SLC35F4: variants seen among roughly 807,000 people sequenced by gnomAD.
The protein encoded by SLC35F4 is solute carrier family 35 member F4.
A neutral mutation model predicts 44.2 loss-of-function variants in SLC35F4; 24 were observed. The observed-to-expected ratio is 0.54, with a 90% CI of 0.39 to 0.76. The LOEUF (loss-of-function observed/expected upper bound fraction) is 0.76, where lower values mean the gene tolerates loss of function less well. SLC35F4 is among the 30% of genes least tolerant of loss of function. The pLI, the probability that SLC35F4 is intolerant of heterozygous loss-of-function variation, is 0.00. For synonymous variants in SLC35F4, 238 were observed against 223.6 expected, an observed-to-expected ratio of 1.06 and a Z score of -0.57; for missense variants, 562 against 586.1, an observed-to-expected ratio of 0.96 and a Z score of 0.42.
At position 57,877,446 on chromosome 14, in the gene SLC35F4, T is replaced by C. The variant is rs569819966; in HGVS notation, n.282+104467A>G. On this transcript the variant is annotated intron_variant and non_coding_transcript_variant, in intron 1 of 1. Coordinates refer to the SLC35F4 transcript ENST00000556568. Reference sequence around the variant, plus strand: ...TATTCCATGTCTGCTATTGTGAATATTGTTGCAATGAACATACACAAGCAT... The same window carrying C: ...TATTCCATGTCTGCTATTGTGAATACTGTTGCAATGAACATACACAAGCAT... Among the ~76,000 whole-genome samples the C allele has an allele frequency of 3.3e-5, 5 of 152,302 alleles. No individual in the cohort carries two copies. In the East Asian group the frequency reaches 7.7e-4, roughly 24 times the overall value.
chr14:57,571,784 C>T, intron 5 of SLC35F4, 110 bp downstream of exon 5: 1 of 1,393,844 alleles, frequency 7.2e-7, no homozygotes, highest in Non-Finnish European at 9.5e-7. Context: ...ACTATTATTT[C>T]AACACATCTA....
At chr14:57,686,379 C>T (rs934149218) in intron 1 of SLC35F4, among the ~76,000 whole-genome samples, 1 of 152,154 alleles carries the variant, frequency 6.6e-6, no homozygotes. Flanking sequence ...CCAGCATGAG[C>T]TCAGTCGTTC....
intron 1 of SLC35F4, among the ~76,000 whole-genome samples, chr14:57,709,417 T>C (rs1294430121): frequency 6.6e-6 from 1 of 152,170 alleles, no homozygotes. Context: ...TCCTAGGTTA[T>C]GATTATAGAG....
chr14:57,651,914 C>T (rs567289316), intron 1 of SLC35F4, among the ~76,000 whole-genome samples: 36 of 152,332 alleles, frequency 2.4e-4, no homozygotes, highest in African/African-American at 8.4e-4. Context: ...TATGACTCCA[C>T]AGCAGCAACA....
At chr14:57,921,447 C>A (rs1207053205) in intron 1 of SLC35F4, among the ~76,000 whole-genome samples, 11 of 152,204 alleles carry the variant, frequency 7.2e-5, no homozygotes, top group Admixed American at 7.2e-4. Flanking sequence ...TTGGCTTTTT[C>A]ATCTCTAAAG....
chr14:57,649,596 A>C (rs187045274), intron 1 of SLC35F4, among the ~76,000 whole-genome samples: 9 of 152,234 alleles, frequency 5.9e-5, no homozygotes, highest in Admixed American at 5.9e-4. Flanking sequence ...ACACGTCCAC[A>C]GGTTTAGGGG....
rs144683780 is a variant in SLC35F4 at position 57,801,677 on chromosome 14, G to A, written c.103+64046C>T. Reference sequence around the variant, plus strand: ...TGGAAAACAGACAAAAGCAGGGGTCGCAATCCTAGTTTCTGACAAAACAGA... The same window carrying A: ...TGGAAAACAGACAAAAGCAGGGGTCACAATCCTAGTTTCTGACAAAACAGA... On this transcript the variant is annotated intron_variant, in intron 1 of 7. Coordinates refer to ENST00000556826, the MANE Select transcript of SLC35F4 (RefSeq NM_001306087.2). Among the ~76,000 whole-genome samples, 228 of 152,276 alleles carry A rather than the reference G, an allele frequency of 1.5e-3. 3 individuals carry two copies. Among genetic ancestry groups the A allele is most frequent in the African/African-American group, 5.1e-3 (210 of 41,572 alleles).
intron 1 of SLC35F4, among the ~76,000 whole-genome samples, chr14:57,703,698 C>T (rs1349130487): frequency 6.6e-6 from 1 of 152,184 alleles, no homozygotes. Context: ...ACTCTTTTGA[C>T]TTACTAGCAT....
chr14:57,661,184 C>T (rs921422959), intron 1 of SLC35F4, among the ~76,000 whole-genome samples: 6 of 152,204 alleles, frequency 3.9e-5, no homozygotes, highest in South Asian at 2.1e-4. Context: ...TCCATGGTAA[C>T]GCAATCAGTG....
At chr14:57,700,839 G>C (rs976323824) in intron 1 of SLC35F4, among the ~76,000 whole-genome samples, 1 of 152,124 alleles carries the variant, frequency 6.6e-6, no homozygotes, top group African/African-American at 2.4e-5. Context: ...TAGGGAGGCA[G>C]GTGCTGCAGT....
At chr14:57,764,255 T>C (rs1338067481) in intron 1 of SLC35F4, among the ~76,000 whole-genome samples, 2 of 152,174 alleles carry the variant, frequency 1.3e-5, no homozygotes, top group African/African-American at 4.8e-5. Context: ...AGATGATTTG[T>C]TATGTAGCAA....
intron 1 of SLC35F4, among the ~76,000 whole-genome samples, chr14:57,733,494 T>C (rs2076395452): frequency 6.6e-6 from 1 of 151,896 alleles, no homozygotes; most frequent in Admixed American, 6.6e-5. Flanking sequence ...AAAAGCTTTT[T>C]TTTTCAGCTT....
At chr14:57,936,791 G>A (rs1889804730) in intron 1 of SLC35F4, among the ~76,000 whole-genome samples, 1 of 151,476 alleles carries the variant, frequency 6.6e-6, no homozygotes, top group Non-Finnish European at 1.5e-5. Context: ...TAAGTATTCG[G>A]TTGAGCCTTA....
chr14:57,907,266 T>G lies in SLC35F4; in HGVS notation n.282+74647A>C, dbSNP rs189590866. ...TTTTAGGTATAATGCTATTGTACAC[T>G]TTATAGACTACAGTTTAGTGTAAAC... On this transcript the variant is annotated intron_variant and non_coding_transcript_variant, in intron 1 of 1. Coordinates refer to the SLC35F4 transcript ENST00000556568. Among the ~76,000 whole-genome samples, 76 of 152,294 alleles carry G rather than the reference T, an allele frequency of 5.0e-4. 1 individual carries two copies. The highest frequency in any genetic ancestry group is 3.1e-3 in the Admixed American group (48 of 15,278).
chr14:57,784,121 T>A (rs543622984), intron 1 of SLC35F4, among the ~76,000 whole-genome samples: 1 of 152,230 alleles, frequency 6.6e-6, no homozygotes, highest in East Asian at 1.9e-4. Flanking sequence ...TCAAGATGTG[T>A]GTATTGGAGA....
intron 1 of SLC35F4, among the ~76,000 whole-genome samples, chr14:57,736,573 G>A (rs531210467): frequency 5.9e-5 from 9 of 152,226 alleles, no homozygotes; most frequent in East Asian, 3.9e-4. Flanking sequence ...AACAGGCCCC[G>A]ACAAGGCCCA....
At chr14:57,633,503 TA>T (rs2140136888) in intron 1 of SLC35F4, among the ~76,000 whole-genome samples, 1 of 152,270 alleles carries the variant, frequency 6.6e-6, no homozygotes, top group East Asian at 1.9e-4. Flanking sequence ...TACTAACTTT[TA>T]AAAAACTTTT....
At chr14:57,922,331 T>C (rs1329613896) in intron 1 of SLC35F4, among the ~76,000 whole-genome samples, 1 of 152,158 alleles carries the variant, frequency 6.6e-6, no homozygotes, top group Non-Finnish European at 1.5e-5. Flanking sequence ...ATATCACTAC[T>C]TTCCCCTTCC....
intron 1 of SLC35F4, among the ~76,000 whole-genome samples, chr14:57,845,329 T>G (rs935474619): frequency 2.0e-5 from 3 of 152,216 alleles, no homozygotes; most frequent in Non-Finnish European, 4.4e-5. Flanking sequence ...CTCAATTTTT[T>G]CATCTCTAAC....
Sources: gnomAD v4.1 joint callset for allele counts (sites outside exome capture counted in the v4.1 genomes callset) on GRCh38, gnomAD v4.1.1 for gene constraint, MANE v1.5 for transcripts, NCBI Gene and HGNC (gene_info 2026-07-23, HGNC 2026-07-21) for gene names.